Variants in KCNAB1 observed in about 807,000 individuals in gnomAD.
KCNAB1 encodes the protein voltage-gated potassium channel subunit beta-1.
In KCNAB1, 35 loss-of-function variants were observed where a neutral mutation model predicts 64.6. That is an observed-to-expected ratio of 0.54 (90% CI 0.41 to 0.72). KCNAB1 has a LOEUF of 0.72. KCNAB1 is among the 30% of genes least tolerant of loss of function. The pLI, the probability that KCNAB1 is intolerant of heterozygous loss-of-function variation, is 0.00. For synonymous variants in KCNAB1, 177 were observed against 183.8 expected, an observed-to-expected ratio of 0.96 and a Z score of 0.30; for missense variants, 401 against 512.9, an observed-to-expected ratio of 0.78 and a Z score of 2.11.
intron 8 of KCNAB1, among the ~76,000 whole-genome samples, chr3:156,498,228 T>A (rs1370666298): frequency 2.0e-5 from 3 of 152,204 alleles, no homozygotes; most frequent in African/African-American, 7.2e-5. Flanking sequence ...TTGAAGATGA[T>A]GCCCACAGCA....
chr3:156,152,341 A>C (rs968911257), intron 1 of KCNAB1, among the ~76,000 whole-genome samples: 1 of 152,156 alleles, frequency 6.6e-6, no homozygotes, highest in Non-Finnish European at 1.5e-5. Flanking sequence ...TCTAGCCCCT[A>C]AGTCAGGTGC....
chr3:156,193,452 G>A (rs989926389), intron 1 of KCNAB1, among the ~76,000 whole-genome samples: 4 of 152,168 alleles, frequency 2.6e-5, no homozygotes, highest in Admixed American at 2.0e-4. Flanking sequence ...TTCTGAGCAT[G>A]TTTAAAGTGG....
chr3:156,362,637 G>A (rs935983924), intron 1 of KCNAB1, among the ~76,000 whole-genome samples: 3 of 152,178 alleles, frequency 2.0e-5, no homozygotes, highest in African/African-American at 7.2e-5. Context: ...TTAGAACAGT[G>A]TGGGACACAG....
intron 2 of KCNAB1, among the ~76,000 whole-genome samples, chr3:156,431,992 C>T (rs1281139890): frequency 1.3e-5 from 2 of 152,182 alleles, no homozygotes; most frequent in African/African-American, 4.8e-5. Context: ...GGGAAGGGTA[C>T]TTTAAATCCA....
At chr3:156,129,411 C>T (rs967026650) in intron 1 of KCNAB1, among the ~76,000 whole-genome samples, 3 of 152,152 alleles carry the variant, frequency 2.0e-5, no homozygotes, top group African/African-American at 7.2e-5. Flanking sequence ...GTTTACTTTT[C>T]AGGTTGTTGT....
At chr3:156,309,420 A>G (rs952306376) in intron 1 of KCNAB1, among the ~76,000 whole-genome samples, 27 of 152,232 alleles carry the variant, frequency 1.8e-4, no homozygotes, top group Non-Finnish European at 3.8e-4. Context: ...ACTGGCTCTC[A>G]GGGTCTATAA....
At chr3:156,476,136 C>CT (rs67146818) in intron 8 of KCNAB1, among the ~76,000 whole-genome samples, 7 of 151,830 alleles carry the variant, frequency 4.6e-5, no homozygotes, top group African/African-American at 7.3e-5. Context: ...TTATTCAACT[C>CT]TTTTTTTTAT....
At chr3:156,153,300 G>A (rs1304515413) in intron 1 of KCNAB1, among the ~76,000 whole-genome samples, 2 of 152,252 alleles carry the variant, frequency 1.3e-5, no homozygotes, top group East Asian at 1.9e-4. Context: ...TGTTCTCGTA[G>A]GAAATAGGTC....
At chr3:156,394,346 G>A (rs912786241) in intron 1 of KCNAB1, among the ~76,000 whole-genome samples, 3 of 152,204 alleles carry the variant, frequency 2.0e-5, no homozygotes, top group African/African-American at 7.2e-5. Context: ...GGGCCCACAA[G>A]AGTGAAGTCT....
intron 4 of KCNAB1, among the ~76,000 whole-genome samples, chr3:156,457,785 G>A (rs1712561106): frequency 6.6e-6 from 1 of 152,164 alleles, no homozygotes; most frequent in African/African-American, 2.4e-5. Context: ...TGACCAGGAA[G>A]CAATTGCCAT....
chr3:156,395,655 A>G (rs1371763573), intron 1 of KCNAB1, among the ~76,000 whole-genome samples: 2 of 148,980 alleles, frequency 1.3e-5, no homozygotes, highest in Non-Finnish European at 3.0e-5. Context: ...AGTGCTGCAA[A>G]TTTTATTGTT....
At chr3:156,482,595 C>A (rs1714907409) in intron 8 of KCNAB1, among the ~76,000 whole-genome samples, 1 of 152,000 alleles carries the variant, frequency 6.6e-6, no homozygotes, top group African/African-American at 2.4e-5. Context: ...TCCAAAATAG[C>A]AAAGGTATGG....
intron 1 of KCNAB1, among the ~76,000 whole-genome samples, chr3:156,378,291 G>C (rs931900582): frequency 2.0e-5 from 3 of 152,074 alleles, no homozygotes; most frequent in Admixed American, 6.5e-5. Flanking sequence ...AGAACAAAGG[G>C]TGGAGGAGGT....
chr3:156,365,036 C>A (rs953586355), intron 1 of KCNAB1, among the ~76,000 whole-genome samples: 3 of 152,130 alleles, frequency 2.0e-5, no homozygotes, highest in African/African-American at 7.2e-5. Flanking sequence ...CGAAGTCTAG[C>A]ATAGGTATTT....
At chr3:156,215,305 A>C (rs1715248853) in intron 1 of KCNAB1, among the ~76,000 whole-genome samples, 1 of 152,258 alleles carries the variant, frequency 6.6e-6, no homozygotes, top group Non-Finnish European at 1.5e-5. Flanking sequence ...GTGGCCCGCA[A>C]GCATCACTCA....
intron 8 of KCNAB1, among the ~76,000 whole-genome samples, chr3:156,501,988 G>A (rs914290553): frequency 4.6e-5 from 7 of 152,056 alleles, no homozygotes; most frequent in African/African-American, 7.2e-5. Flanking sequence ...AGAATAGCAC[G>A]GGAAAGACCA....
chr3:156,128,935 G>A (rs908224463), intron 1 of KCNAB1, among the ~76,000 whole-genome samples: 2 of 152,168 alleles, frequency 1.3e-5, no homozygotes, highest in Non-Finnish European at 2.9e-5. Flanking sequence ...AAGTAGTGGT[G>A]GAATTGAGAT....
chr3:156,232,994 C>A (rs1036455951), intron 1 of KCNAB1, among the ~76,000 whole-genome samples: 3 of 152,038 alleles, frequency 2.0e-5, no homozygotes, highest in Non-Finnish European at 4.4e-5. Context: ...GATTATTATA[C>A]CTCTTCTAGA....
chr3:156,151,817 A>G (rs1169185165), intron 1 of KCNAB1, among the ~76,000 whole-genome samples: 2 of 152,178 alleles, frequency 1.3e-5, no homozygotes, highest in African/African-American at 4.8e-5. Context: ...CAGCTGACAC[A>G]ATAATGCTCT....
Sources: allele counts gnomAD v4.1 joint callset (sites outside exome capture counted in the v4.1 genomes callset), GRCh38; gene constraint gnomAD v4.1.1; transcripts MANE v1.5; gene names NCBI Gene and HGNC (gene_info 2026-07-23, HGNC 2026-07-21).